The following STAT2 variants were observed in gnomAD, a reference collection of about 807,000 sequenced individuals.
STAT2 encodes the protein interferon alpha induced transcriptional activator.
STAT2 carries 51 observed loss-of-function variants against 122.3 expected under a neutral mutation model. The observed-to-expected ratio is 0.42, with a 90% CI of 0.33 to 0.53. STAT2 has a LOEUF of 0.53. STAT2 is among the 20% of genes least tolerant of loss of function. The pLI is 0.10. For synonymous variants in STAT2, 351 were observed against 394.9 expected (o/e 0.89, Z 1.32); for missense variants, 736 against 1,010.3 (o/e 0.73, Z 3.68).
At chr12:56,347,500 ACT>A (rs1491353209) in intron 19 of STAT2, among the ~76,000 whole-genome samples, 1 of 151,626 alleles carries the variant, frequency 6.6e-6, no homozygotes, top group Non-Finnish European at 1.5e-5. Context: ...CACAAATAGC[ACT>A]TTTTTTTGGT....
intron 23 of STAT2, 51 bp downstream of exon 23, chr12:56,343,774 G>A: frequency 6.3e-7 from 1 of 1,598,372 alleles, no homozygotes. Flanking sequence ...AGGGAGAAGA[G>A]GTAGGAAAGG....
intron 1 of STAT2, among the ~76,000 whole-genome samples, chr12:56,358,724 A>C (rs1266197861): frequency 6.6e-6 from 1 of 152,168 alleles, no homozygotes; most frequent in Non-Finnish European, 1.5e-5. Flanking sequence ...ATATGATTAT[A>C]GGTTATCAAC....
chr12:56,350,764 AGAGT>A, intron 11 of STAT2, 61 bp downstream of exon 11: 1 of 1,557,930 alleles, frequency 6.4e-7, no homozygotes, highest in Non-Finnish European at 8.9e-7. Flanking sequence ...CCTGTTGTGA[AGAGT>A]GAGTATCTCC....
In STAT2 at chr12:56,355,788, G is replaced by A. The variant is rs768555442; in HGVS notation, c.301C>T (p.Pro101Ser). 1 of 1,614,094 alleles carries A rather than the reference G, an allele frequency of 6.2e-7. No individual in the cohort carries two copies. The change falls in exon 4 of 24, where the codon CCT becomes TCT. Residue 101 changes from proline (P) to serine (S), a missense_variant. By Grantham distance (74) the Pro-to-Ser change is moderately conservative. Transcript: ENST00000314128. ...CRDIQPFSQDPTQLAEMIFNL... is the reference protein window; with the variant it reads ...CRDIQPFSQDSTQLAEMIFNL... ...AAGATCATCTCAGCCAACTGGGTAG[G>A]ATCCTGGGAAAAGGGCTAGAATAGG... is the stretch of plus-strand genomic sequence containing the variant.
intron 20 of STAT2, 92 bp from the exon 21 acceptor site, chr12:56,346,716 G>A: frequency 6.2e-7 from 1 of 1,602,010 alleles, no homozygotes; most frequent in Non-Finnish European, 8.5e-7. Context: ...AACCAGCTGA[G>A]GGATTCAGTT....
intron 1 of STAT2, among the ~76,000 whole-genome samples, chr12:56,358,849 T>G (rs1879931405): frequency 6.6e-6 from 1 of 152,034 alleles, no homozygotes; most frequent in Non-Finnish European, 1.5e-5. Flanking sequence ...TAAGCAGAGA[T>G]CACATCACTA....
Position 56,346,935 on chromosome 12 carries a change from C to T in STAT2, c.1745G>A (p.Ser582Asn), listed in dbSNP as rs1490818178. Reference sequence around the variant, plus strand: ...CAGCAGCCGGCGCTCCTGGCTCCGACTCACAAAGCCCATGATGCGTCTGGA... The same window carrying T: ...CAGCAGCCGGCGCTCCTGGCTCCGATTCACAAAGCCCATGATGCGTCTGGA... ...WNDGRIMGFVSRSQERRLLKK... is the reference protein window; with the variant it reads ...WNDGRIMGFVNRSQERRLLKK... Residue 582 changes from serine (S) to asparagine (N), a missense_variant, in exon 20 of 24, where the codon AGT (serine) becomes AAT (asparagine). Coordinates refer to ENST00000314128, the MANE Select transcript of STAT2 (RefSeq NM_005419.4). The T allele has an allele frequency of 6.2e-7, 1 of 1,614,156 alleles. No homozygotes were observed. The highest frequency in any genetic ancestry group is 8.5e-7 in the Non-Finnish European group (1 of 1,180,014).
chr12:56,348,794 A>G lies in STAT2; in HGVS notation c.1587T>C (p.Cys529=), dbSNP rs1429365420. ...AGGACAATAATGGATCCTCAGTCCT[A>G]CAGTTCTGCCCTGTGGGACAGATAG... The part of the protein sequence containing the change: ...MLRNKLFGQN[C]RTEDPLLSWA... The change falls in exon 18 of 24, where the codon TGT becomes TGC. Residue 529 remains cysteine (C), a synonymous_variant. Coordinates refer to ENST00000314128, the MANE Select transcript of STAT2 (RefSeq NM_005419.4). The G allele has an allele frequency of 6.2e-7, 1 of 1,614,078 alleles. No homozygotes were observed. Among genetic ancestry groups the G allele is most frequent in the Non-Finnish European group, 8.5e-7 (1 of 1,180,038 alleles).
At chr12:56,350,550 G>T in intron 11 of STAT2, 118 bp from the exon 12 acceptor site, 1 of 918,194 alleles carries the variant, frequency 1.1e-6, no homozygotes, top group African/African-American at 1.7e-5. Context: ...TAGCTATGTG[G>T]CCTTGAGAAG....
intron 8 of STAT2, 145 bp downstream of exon 8, chr12:56,354,321 G>A (rs1444506200): frequency 1.5e-6 from 2 of 1,296,406 alleles, no homozygotes; most frequent in Non-Finnish European, 2.1e-6. Context: ...ATGAGGAGCA[G>A]AATAGAGCTG....
rs144772223 is a variant in STAT2, at chr12:56,351,100, T to C, written c.1032A>G (p.Thr344=). 194 of 1,613,806 alleles carry C rather than the reference T, an allele frequency of 1.2e-4. No homozygotes were observed. In the East Asian group the frequency reaches 4.3e-3, roughly 35 times the overall value. The part of the protein sequence containing the change: ...LKTGSKFTVR[T]RLLVRLQEGN... ...GGAATGAGTTCTGGAATGCCAACCT[T>C]GTTCGGACGGTGAACTTGCTGCCAG... The change falls in exon 10 of 24, where the codon ACA becomes ACG. Residue 344 remains threonine, a splice_region_variant and synonymous_variant. Transcript: ENST00000314128.
chr12:56,349,722 G>T, intron 13 of STAT2, 86 bp from the exon 14 acceptor site: 1 of 1,570,198 alleles, frequency 6.4e-7, no homozygotes, highest in Non-Finnish European at 8.8e-7. Context: ...GACCTCTCAA[G>T]CCCTGGGAAC....
rs1879221551 is a variant in STAT2 at position 56,354,616 on chromosome 12, T to C, written c.634-2A>G. ...TGCTTTGGAGGCATCCAGCACCTCC[T>C]GGGAAAGAGATAATGTGAGTGTTGA... On this transcript the variant is annotated splice_acceptor_variant, in intron 7 of 23. Coordinates refer to ENST00000314128, the MANE Select transcript of STAT2 (RefSeq NM_005419.4). LOFTEE classifies it high-confidence loss of function. The C allele has an allele frequency of 6.2e-7, 1 of 1,614,014 alleles. No individual in the cohort carries two copies. Among genetic ancestry groups the C allele is most frequent in the South Asian group, 1.1e-5 (1 of 91,092 alleles).
At chr12:56,348,652 G>A in intron 18 of STAT2, 29 bp from the exon 19 acceptor site, 1 of 1,614,178 alleles carries the variant, frequency 6.2e-7, no homozygotes, top group Non-Finnish European at 8.5e-7. Flanking sequence ...GGTAGCAAAA[G>A]CTGAGGAGTT....
intron 1 of STAT2, among the ~76,000 whole-genome samples, chr12:56,358,191 TTAAG>T (rs1235194393): frequency 6.6e-6 from 1 of 152,164 alleles, no homozygotes; most frequent in Non-Finnish European, 1.5e-5. Flanking sequence ...AGTGTTGATG[TTAAG>T]TATTTATTAC....
rs1321699926 is a variant in STAT2, at chr12:56,346,885, G to A, written c.1795C>T (p.Leu599=). The part of the protein sequence containing the change: ...LLKKTMSGTF[L]LRFSESSEGG... ...TCTGACGATTCACTGAAGCGCAGTA[G>A]AAAGGTGCCAGACATGGTCTTCTTC... Residue 599 remains leucine (L), a synonymous_variant, in exon 20 of 24, where the codon CTA becomes TTA. Coordinates refer to ENST00000314128, the MANE Select transcript of STAT2 (RefSeq NM_005419.4). The A allele has an allele frequency of 1.2e-6, 2 of 1,614,238 alleles. No individual in the cohort carries two copies. The highest frequency in any genetic ancestry group is 1.7e-6 in the Non-Finnish European group (2 of 1,180,046).
At position 56,350,891 on chromosome 12, in the gene STAT2, G is replaced by A. The variant is rs764152091; in HGVS notation, c.1035-3C>T. On this transcript the variant is annotated splice_region_variant and splice_polypyrimidine_tract_variant and intron_variant, in intron 10 of 23. Coordinates refer to ENST00000314128, the MANE Select transcript of STAT2 (RefSeq NM_005419.4). ...CTTCCTGGAGTCTCACCAGCAGCCT[G>A]GGGGAAGGAAGGGGGATAGGGGAAA... 3.7e-6 allele frequency: 6 copies of A among 1,614,096 alleles called. 1 individual carries two copies. The South Asian group carries it at 5.5e-5, about 15-fold the overall frequency.
At chr12:56,353,457 TATA>T (rs1242265566) in intron 8 of STAT2, among the ~76,000 whole-genome samples, 8 of 152,206 alleles carry the variant, frequency 5.3e-5, no homozygotes, top group Admixed American at 4.6e-4. Flanking sequence ...AAGACTAAAT[TATA>T]ATAAATTTTT....
chr12:56,350,471 G>A (rs777757727), intron 11 of STAT2, 39 bp from the exon 12 acceptor site: 29 of 1,567,724 alleles, frequency 1.8e-5, no homozygotes, highest in Non-Finnish European at 2.4e-5. Context: ...TTGGGCAAAA[G>A]AGTATGGAAG....
Sources: gnomAD v4.1 joint callset for allele counts (sites outside exome capture counted in the v4.1 genomes callset) on GRCh38, gnomAD v4.1.1 for gene constraint, MANE v1.5 for transcripts, NCBI Gene and HGNC (gene_info 2026-07-23, HGNC 2026-07-21) for gene names.